DPY30: variants seen among roughly 807,000 people sequenced by gnomAD.
The protein encoded by DPY30 is dpy-30 histone methyltransferase complex regulatory subunit, also known as protein dpy-30 homolog.
In DPY30, 6 loss-of-function variants were observed where a neutral mutation model predicts 16.2. The observed-to-expected ratio is 0.37, with a 90% CI of 0.20 to 0.73. The LOEUF (loss-of-function observed/expected upper bound fraction) is 0.73, where lower values mean the gene tolerates loss of function less well. Ranked by LOEUF, DPY30 falls within the 30% of genes least tolerant of loss-of-function variation. The pLI is 0.51. For synonymous variants in DPY30, 39 were observed against 38.8 expected (o/e 1.00, Z -0.02); for missense variants, 73 against 113.1 (o/e 0.65, Z 1.61).
downstream of DPY30, among the ~76,000 whole-genome samples, chr2:32,021,939 G>A (rs1239509182): frequency 2.6e-5 from 4 of 152,124 alleles, no homozygotes; most frequent in South Asian, 8.3e-4. Flanking sequence ...TATGGGCGTG[G>A]TGGCTCACAC....
At chr2:32,035,533 T>G (rs1413085517) in intron 3 of DPY30, among the ~76,000 whole-genome samples, 2 of 151,078 alleles carry the variant, frequency 1.3e-5, no homozygotes, top group African/African-American at 4.9e-5. Flanking sequence ...GAGATTATAG[T>G]GAGCCAAGAT....
chr2:32,023,667 T>C (rs757369439), downstream of DPY30: 15 of 1,200,380 alleles, frequency 1.2e-5, 1 homozygote, highest in East Asian at 8.6e-4. Flanking sequence ...TTAATGTACA[T>C]TAGAATCACC....
chr2:32,020,538 A>G (rs1270275893), downstream of DPY30, among the ~76,000 whole-genome samples: 2 of 152,090 alleles, frequency 1.3e-5, no homozygotes, highest in Admixed American at 6.6e-5. Flanking sequence ...TAAAATTAAA[A>G]TTAAACCTAC....
At chr2:32,025,089 A>T (rs997139041) in intron 4 of DPY30, among the ~76,000 whole-genome samples, 1 of 152,228 alleles carries the variant, frequency 6.6e-6, no homozygotes, top group Non-Finnish European at 1.5e-5. Context: ...CAGCCCTAAG[A>T]GCTGTCTACA....
intron 4 of DPY30, among the ~76,000 whole-genome samples, chr2:32,028,056 C>A (rs914745956): frequency 6.6e-6 from 1 of 151,300 alleles, no homozygotes; most frequent in Non-Finnish European, 1.5e-5. Context: ...TTTATATAAA[C>A]AAATTATCTA....
At chr2:32,016,302 A>G (rs1241907890) in intron 5 of DPY30, among the ~76,000 whole-genome samples, 1 of 152,146 alleles carries the variant, frequency 6.6e-6, no homozygotes, top group Non-Finnish European at 1.5e-5. Flanking sequence ...TTCTTTGCTA[A>G]TTTACACCCA....
downstream of DPY30, among the ~76,000 whole-genome samples, chr2:32,019,870 ATG>A (rs1360384266): frequency 6.8e-6 from 1 of 146,128 alleles, no homozygotes; most frequent in East Asian, 2.0e-4. Flanking sequence ...ACACATATAT[ATG>A]TGTATATATA....
chr2:32,037,765 C>T (rs1675801423), intron 3 of DPY30, among the ~76,000 whole-genome samples: 2 of 151,768 alleles, frequency 1.3e-5, no homozygotes, highest in African/African-American at 4.8e-5. Flanking sequence ...ACCATGTTGG[C>T]CAGGCTTGAA....
downstream of DPY30, among the ~76,000 whole-genome samples, chr2:32,019,829 AAAAAAAAT>A (rs1365071425): frequency 5.4e-3 from 760 of 141,948 alleles, 9 homozygotes; most frequent in African/African-American, 0.018. Flanking sequence ...TCAAAAAAAA[AAAAAAAAT>A]ATATATATAT....
chr2:32,015,039 C>T (rs573943271), intron 5 of DPY30, among the ~76,000 whole-genome samples: 2 of 151,844 alleles, frequency 1.3e-5, no homozygotes, highest in East Asian at 3.9e-4. Flanking sequence ...TATATCTTTG[C>T]ATATCTTTTG....
chr2:32,025,547 G>C (rs1224648311), intron 4 of DPY30, among the ~76,000 whole-genome samples: 3 of 151,916 alleles, frequency 2.0e-5, no homozygotes, highest in Admixed American at 6.6e-5. Flanking sequence ...CAGATCACAA[G>C]GTCAGGAGTT....
intron 5 of DPY30, among the ~76,000 whole-genome samples, chr2:32,018,361 G>T (rs1405796635): frequency 6.6e-6 from 1 of 152,028 alleles, no homozygotes; most frequent in Non-Finnish European, 1.5e-5. Context: ...AGAATTCCAT[G>T]AAAGAACTCA....
chr2:32,020,405 G>C (rs539395445), downstream of DPY30, among the ~76,000 whole-genome samples: 2 of 152,186 alleles, frequency 1.3e-5, no homozygotes, highest in East Asian at 3.9e-4. Flanking sequence ...CTAGCTACTT[G>C]GAAGGCTAAG....
intron 5 of DPY30, among the ~76,000 whole-genome samples, chr2:32,018,011 A>G (rs566134167): frequency 6.6e-6 from 1 of 152,324 alleles, no homozygotes; most frequent in South Asian, 2.1e-4. Flanking sequence ...TGAACCAGAA[A>G]GTAGGCCCTC....
intron 3 of DPY30, among the ~76,000 whole-genome samples, chr2:32,036,124 A>G (rs898556719): frequency 2.0e-5 from 3 of 148,842 alleles, no homozygotes; most frequent in Non-Finnish European, 1.5e-5. Context: ...AGCTGGTACT[A>G]TAGGCACACA....
At chr2:32,028,014 A>G (rs1230711061) in intron 4 of DPY30, among the ~76,000 whole-genome samples, 2 of 152,210 alleles carry the variant, frequency 1.3e-5, no homozygotes, top group African/African-American at 4.8e-5. Context: ...ATAGCCATCA[A>G]AAACAAATAT....
At chr2:32,027,754 G>A (rs1206420753) in intron 4 of DPY30, among the ~76,000 whole-genome samples, 4 of 147,046 alleles carry the variant, frequency 2.7e-5, no homozygotes. Context: ...TCAGCCTCCC[G>A]AGTAGCTGGG....
At chr2:32,026,119 T>C (rs1313886191) in intron 4 of DPY30, among the ~76,000 whole-genome samples, 1 of 151,800 alleles carries the variant, frequency 6.6e-6, no homozygotes, top group African/African-American at 2.4e-5. Flanking sequence ...AAAAAAAAAA[T>C]TTGTGTTTTA....
intron 5 of DPY30, among the ~76,000 whole-genome samples, chr2:32,015,781 G>A (rs554084017): frequency 2.4e-4 from 36 of 151,176 alleles, no homozygotes; most frequent in Non-Finnish European, 4.6e-4. Context: ...CTTGAGCCCA[G>A]GAGTTCAAAG....
Sources: allele counts gnomAD v4.1 joint callset (sites outside exome capture counted in the v4.1 genomes callset), GRCh38; gene constraint gnomAD v4.1.1; transcripts MANE v1.5; gene names NCBI Gene and HGNC (gene_info 2026-07-23, HGNC 2026-07-21).